RNF141: variants seen among roughly 807,000 people sequenced by gnomAD.
RNF141 encodes C3HC4-like zinc finger protein.
In RNF141, 18 loss-of-function variants were observed where a neutral mutation model predicts 27.4. The observed-to-expected ratio is 0.66, with a 90% CI of 0.45 to 0.97. RNF141 has a LOEUF of 0.97. RNF141 is among the 50% of genes least tolerant of loss of function. The probability of loss-of-function intolerance (pLI) is 0.00; values close to 1 mark genes in which losing one functional copy is unlikely to be tolerated. For synonymous variants in RNF141, 97 were observed against 96.6 expected (o/e 1.00, Z -0.02); for missense variants, 230 against 279.4 (o/e 0.82, Z 1.26).
chr11:10,515,543 A>T (rs1328996607), intron 5 of RNF141: 1 of 152,318 alleles, frequency 6.6e-6, no homozygotes, highest in African/African-American at 2.4e-5. Context: ...ATTCCTTTAT[A>T]ATAAAAATTC....
intron 1 of RNF141, 94 bp from the exon 2 acceptor site, chr11:10,534,299 T>C (rs1850015147): frequency 1.4e-5 from 12 of 850,708 alleles, no homozygotes; most frequent in African/African-American, 1.7e-5. Flanking sequence ...AGGGATACCT[T>C]TAAGTGAGAG....
intron 5 of RNF141, chr11:10,518,730 G>T (rs752093434): frequency 4.0e-6 from 1 of 251,018 alleles, no homozygotes; most frequent in Admixed American, 5.2e-5. Context: ...CAGAATAAAT[G>T]TAGAAATGAG....
chr11:10,518,936 T>C (rs1246735055), intron 5 of RNF141, 98 bp downstream of exon 5: 1 of 783,450 alleles, frequency 1.3e-6, no homozygotes, highest in African/African-American at 1.7e-5. Context: ...AAAATCTCTC[T>C]CATACTTAAC....
intron 1 of RNF141, among the ~76,000 whole-genome samples, chr11:10,539,955 T>C (rs542211780): frequency 5.9e-5 from 9 of 151,996 alleles, no homozygotes; most frequent in South Asian, 2.1e-4. Context: ...ATGACAAATA[T>C]TAATTTTTGA....
chr11:10,532,224 T>C lies in RNF141; in HGVS notation c.144-1473A>G, dbSNP rs1462087762. ...CTCATAAGAGTTGAAAATATAAACA[T>C]AACAAAGCATTCCACTCTTATGTTA... On this transcript the variant is annotated intron_variant, in intron 2 of 5. Coordinates refer to ENST00000265981, the MANE Select transcript of RNF141 (RefSeq NM_016422.4). 4.6e-5 allele frequency among the ~76,000 whole-genome samples: 7 copies of C among 152,246 alleles called. No homozygotes were observed. In the East Asian group the frequency reaches 1.3e-3, roughly 29 times the overall value.
chr11:10,514,904 T>C lies in RNF141; in HGVS notation c.*12A>G. ...GAGCCCACAATAGCAACAGAAGACT[T>C]TCACTTCAAGGTCATGGCCTGTGGG... On this transcript the variant is annotated 3_prime_UTR_variant, in exon 6 of 6. Coordinates refer to ENST00000265981, the MANE Select transcript of RNF141 (RefSeq NM_016422.4). The C allele has an allele frequency of 1.3e-6, 2 of 1,598,828 alleles. No individual in the cohort carries two copies. Among genetic ancestry groups the C allele is most frequent in the Non-Finnish European group, 1.7e-6 (2 of 1,172,674 alleles).
intron 5 of RNF141, chr11:10,516,182 C>T (rs922546636): frequency 2.6e-5 from 4 of 152,190 alleles, no homozygotes; most frequent in East Asian, 1.9e-4. Flanking sequence ...AGGTATTTTA[C>T]AAGATAATTA....
intron 4 of RNF141, among the ~76,000 whole-genome samples, chr11:10,521,749 C>T (rs4909940): frequency 0.2 from 29,838 of 152,078 alleles, 3,869 homozygotes; most frequent in African/African-American, 0.36. Context: ...GGTGCATAAA[C>T]AAAGTTGTAG....
At chr11:10,526,988 A>G (rs1243074592) in intron 3 of RNF141, among the ~76,000 whole-genome samples, 1 of 152,234 alleles carries the variant, frequency 6.6e-6, no homozygotes, top group Non-Finnish European at 1.5e-5. Flanking sequence ...TACAAAATAG[A>G]TCTTCAGAGC....
chr11:10,538,559 C>T (rs1274847170), intron 1 of RNF141, among the ~76,000 whole-genome samples: 1 of 152,160 alleles, frequency 6.6e-6, no homozygotes, highest in East Asian at 1.9e-4. Flanking sequence ...AGTCACTTGG[C>T]CATTTCCCTC....
Position 10,519,111 on chromosome 11 carries a change from A to T in RNF141, c.465T>A (p.Cys155Ter). ...RVKQLTDEEE[C>*]CICMDGRADL... is the part of the protein sequence containing the mutation. ...CAGCCCGCCCATCCATACAGATACA[A>T]CACTCCTCCTCATCGGTCAGCTGCT... The change falls in exon 5 of 6, where the codon TGT becomes TGA. Residue 155 changes from cysteine to a stop codon, truncating the protein, a stop_gained. Transcript: ENST00000265981. LOFTEE classifies it high-confidence loss of function. 1 of 1,613,998 alleles carries T rather than the reference A, an allele frequency of 6.2e-7. No homozygotes were observed. Among genetic ancestry groups the T allele is most frequent in the Non-Finnish European group, 8.5e-7 (1 of 1,179,930 alleles).
At chr11:10,518,933 C>T in intron 5 of RNF141, 101 bp downstream of exon 5, 1 of 762,346 alleles carries the variant, frequency 1.3e-6, no homozygotes, top group Non-Finnish European at 2.2e-6. Context: ...AATAAAATCT[C>T]TCTCATACTT....
chr11:10,535,055 G>A (rs887938591), intron 1 of RNF141, among the ~76,000 whole-genome samples: 6 of 144,016 alleles, frequency 4.2e-5, no homozygotes, highest in African/African-American at 1.6e-4. Context: ...CCCAAAATCA[G>A]ATGCCCCCCC....
At chr11:10,515,496 G>A in intron 5 of RNF141, 1 of 153,142 alleles carries the variant, frequency 6.5e-6, no homozygotes, top group East Asian at 1.9e-4. Flanking sequence ...TACCAACAAT[G>A]CAGCAATTCG....
intron 3 of RNF141, among the ~76,000 whole-genome samples, chr11:10,527,913 C>A (rs184093337): frequency 6.6e-6 from 1 of 152,050 alleles, no homozygotes; most frequent in Non-Finnish European, 1.5e-5. Context: ...GACTCACTTA[C>A]AGATTGTCAG....
At chr11:10,532,526 CACACACACACA>C (rs1849996403) in intron 2 of RNF141, among the ~76,000 whole-genome samples, 33 of 145,594 alleles carry the variant, frequency 2.3e-4, no homozygotes, top group Admixed American at 1.1e-3. Flanking sequence ...CACACACACA[CACACACACACA>C]CCCCACAACT....
chr11:10,532,524 CACACACACACACACCCCA>C (rs1849996278), intron 2 of RNF141, among the ~76,000 whole-genome samples: 1 of 145,298 alleles, frequency 6.9e-6, no homozygotes, highest in Non-Finnish European at 1.5e-5. Context: ...CACACACACA[CACACACACACACACCCCA>C]CAACTATATA....
At chr11:10,535,937 T>A (rs182118053) in intron 1 of RNF141, among the ~76,000 whole-genome samples, 2,843 of 152,306 alleles carry the variant, frequency 0.019, 40 homozygotes, top group South Asian at 0.035. Context: ...AGGACTTTTT[T>A]AAAATTAAAT....
rs1850023481 is a variant in RNF141, at chr11:10,535,230, A to G, written c.-47-1025T>C. On this transcript the variant is annotated intron_variant, in intron 1 of 5. Transcript: ENST00000265981. ...AAAAATAAAGCTATAAATTTAAAAT[A>G]TATATAACTTTATGAAGTTAGTAAC... Among the ~76,000 whole-genome samples, 3 of 151,914 alleles carry G rather than the reference A, an allele frequency of 2.0e-5. No individual in the cohort carries two copies. The South Asian group carries it at 6.2e-4, about 31-fold the overall frequency.
Sources: allele counts gnomAD v4.1 joint callset (sites outside exome capture counted in the v4.1 genomes callset), GRCh38; gene constraint gnomAD v4.1.1; transcripts MANE v1.5; gene names NCBI Gene and HGNC (gene_info 2026-07-23, HGNC 2026-07-21).